Variants in CLEC16A observed in about 807,000 individuals in gnomAD.
CLEC16A encodes protein CLEC16A.
A neutral mutation model predicts 109.5 loss-of-function variants in CLEC16A; 51 were observed. That is an observed-to-expected ratio of 0.47 (90% CI 0.37 to 0.59). The LOEUF (loss-of-function observed/expected upper bound fraction) is 0.59. CLEC16A is among the 20% of genes least tolerant of loss of function. The pLI is 0.00. For synonymous variants in CLEC16A, 673 were observed against 564.2 expected, an observed-to-expected ratio of 1.19 and a Z score of -2.73; for missense variants, 1,339 against 1,394.0, an observed-to-expected ratio of 0.96 and a Z score of 0.63.
intron 19 of CLEC16A, among the ~76,000 whole-genome samples, chr16:11,091,709 G>T (rs1043136471): frequency 1.3e-5 from 2 of 152,148 alleles, no homozygotes; most frequent in African/African-American, 2.4e-5. Flanking sequence ...GAGGAAAATT[G>T]TCAGGAAAGC....
chr16:11,072,529 G>A (rs1031407375), intron 19 of CLEC16A, among the ~76,000 whole-genome samples: 2 of 152,146 alleles, frequency 1.3e-5, no homozygotes, highest in African/African-American at 2.4e-5. Flanking sequence ...TTAATAGATG[G>A]GGAGTATAAT....
intron 14 of CLEC16A, chr16:11,041,808 C>G (rs755721272): frequency 3.3e-4 from 52 of 155,978 alleles, no homozygotes; most frequent in Non-Finnish European, 5.4e-4. Context: ...TTGCCTGGTT[C>G]TTACCTAGTC....
intron 19 of CLEC16A, among the ~76,000 whole-genome samples, chr16:11,113,919 A>G (rs1228987104): frequency 1.3e-5 from 2 of 152,232 alleles, no homozygotes; most frequent in Non-Finnish European, 2.9e-5. Context: ...GCTAGGTCAT[A>G]GAATGTGAAA....
intron 22 of CLEC16A, among the ~76,000 whole-genome samples, chr16:11,153,165 C>A (rs1387158442): frequency 6.6e-6 from 1 of 152,130 alleles, no homozygotes; most frequent in Non-Finnish European, 1.5e-5. Flanking sequence ...TTGCCAGTTA[C>A]TGCCCTCCGC....
At chr16:10,996,230 C>A (rs8050144) in intron 10 of CLEC16A, among the ~76,000 whole-genome samples, 2 of 152,088 alleles carry the variant, frequency 1.3e-5, no homozygotes, top group African/African-American at 4.8e-5. Context: ...GGCTGTGAGC[C>A]TGAAGAACCC....
intron 19 of CLEC16A, among the ~76,000 whole-genome samples, chr16:11,061,247 G>A (rs1301708909): frequency 1.3e-5 from 2 of 152,168 alleles, no homozygotes; most frequent in African/African-American, 2.4e-5. Flanking sequence ...TCACACAGCT[G>A]GTTCTCTAAA....
intron 9 of CLEC16A, among the ~76,000 whole-genome samples, chr16:10,980,992 C>G (rs1229747599): frequency 6.6e-6 from 1 of 152,172 alleles, no homozygotes; most frequent in Admixed American, 6.5e-5. Flanking sequence ...AAACTGCTAA[C>G]AGAGTGTGGT....
intron 7 of CLEC16A, among the ~76,000 whole-genome samples, chr16:10,974,403 T>C (rs1276250675): frequency 6.6e-6 from 1 of 152,172 alleles, no homozygotes; most frequent in Non-Finnish European, 1.5e-5. Context: ...TGATTAGAAG[T>C]TCCAGAGCAG....
At chr16:11,141,193 T>C (rs2053809134) in intron 22 of CLEC16A, among the ~76,000 whole-genome samples, 1 of 152,220 alleles carries the variant, frequency 6.6e-6, no homozygotes, top group Non-Finnish European at 1.5e-5. Context: ...TAGCCAGTGC[T>C]TTTGGGCTCT....
intron 7 of CLEC16A, among the ~76,000 whole-genome samples, chr16:10,974,866 C>T (rs2042962729): frequency 6.6e-6 from 1 of 152,242 alleles, no homozygotes; most frequent in Non-Finnish European, 1.5e-5. Context: ...ATGACATCAA[C>T]CCCAATTACT....
At chr16:11,113,909 G>C (rs1338957325) in intron 19 of CLEC16A, among the ~76,000 whole-genome samples, 2 of 152,176 alleles carry the variant, frequency 1.3e-5, no homozygotes, top group Non-Finnish European at 2.9e-5. Flanking sequence ...CATACCAATT[G>C]CTAGGTCATA....
rs976993187 is a variant in CLEC16A at position 11,181,906 on chromosome 16, A to T, written c.*3216A>T. On this transcript the variant is annotated 3_prime_UTR_variant, in exon 24 of 24. Coordinates refer to ENST00000409790, the MANE Select transcript of CLEC16A (RefSeq NM_015226.3). ...TGATCTTCTTGTCTAGATGCAATAA[A>T]TAAATCTGAAGCATTTAATGTAGTC... 6.5e-6 allele frequency: 1 copy of T among 152,686 alleles called. No individual in the cohort carries two copies. Among genetic ancestry groups the T allele is most frequent in the Non-Finnish European group, 1.5e-5 (1 of 68,042 alleles). The allele number at this position is 152,686 out of a possible 1,614,324, so 9.5% of individuals were successfully genotyped here.
chr16:11,022,863 C>T (rs149362499), intron 12 of CLEC16A, among the ~76,000 whole-genome samples: 2,676 of 150,970 alleles, frequency 0.018, 76 homozygotes, highest in African/African-American at 0.062. Context: ...CACACCACTG[C>T]ACTCCAGCCT....
At position 11,051,653 on chromosome 16, in the gene CLEC16A, C is replaced by G. The variant is rs747581073; in HGVS notation, c.1995+12C>G. The G allele has an allele frequency of 6.2e-7, 1 of 1,611,452 alleles. No individual in the cohort carries two copies. Among genetic ancestry groups the G allele is most frequent in the South Asian group, 1.1e-5 (1 of 91,036 alleles). On this transcript the variant is annotated intron_variant, in intron 18 of 23. Coordinates refer to ENST00000409790, the MANE Select transcript of CLEC16A (RefSeq NM_015226.3). ...AGAAGACCCGGCGGGTGAGTGAGCA[C>G]AGGACCTGTCATCTCCTGGGCCACT...
At chr16:11,095,817 GAAAAAAA>G (rs34366897) in intron 19 of CLEC16A, among the ~76,000 whole-genome samples, 14 of 105,898 alleles carry the variant, frequency 1.3e-4, no homozygotes, top group Admixed American at 7.7e-4. Flanking sequence ...GTCTCAAAAA[GAAAAAAA>G]AAAAAAAAAA....
At chr16:11,085,764 G>A (rs1456402600) in intron 19 of CLEC16A, among the ~76,000 whole-genome samples, 2 of 152,124 alleles carry the variant, frequency 1.3e-5, no homozygotes, top group African/African-American at 4.8e-5. Flanking sequence ...GCTCATTTTT[G>A]TATTTTTTGT....
chr16:10,979,465 T>G, intron 9 of CLEC16A, 83 bp downstream of exon 9: 31 of 1,173,614 alleles, frequency 2.6e-5, no homozygotes, highest in Non-Finnish European at 3.2e-5. Context: ...CCCCAGGCCT[T>G]ATCACCCCAT....
intron 10 of CLEC16A, among the ~76,000 whole-genome samples, chr16:10,989,100 T>C (rs972744134): frequency 6.6e-6 from 1 of 152,230 alleles, no homozygotes; most frequent in Non-Finnish European, 1.5e-5. Context: ...ATGTTAGCCA[T>C]TGCCATTGAG....
intron 23 of CLEC16A, among the ~76,000 whole-genome samples, chr16:11,171,535 A>G (rs1567417938): frequency 6.6e-6 from 1 of 152,234 alleles, no homozygotes; most frequent in East Asian, 1.9e-4. Flanking sequence ...TGTCGCCCAC[A>G]CATCCAGCAG....
Sources: gnomAD v4.1 joint callset for allele counts (sites outside exome capture counted in the v4.1 genomes callset) on GRCh38, gnomAD v4.1.1 for gene constraint, MANE v1.5 for transcripts, NCBI Gene and HGNC (gene_info 2026-07-23, HGNC 2026-07-21) for gene names.